KIF26B: variants seen among roughly 807,000 people sequenced by gnomAD.
The protein encoded by KIF26B is kinesin family member 26B, also known as kinesin-like protein KIF26B.
Under a neutral mutation model 151.2 loss-of-function variants are expected in KIF26B, and 63 were observed. The observed-to-expected ratio is 0.42, with a 90% CI of 0.34 to 0.51. The LOEUF is 0.51. Among genes scored for constraint, KIF26B ranks in the 20% least tolerant of loss-of-function variants. KIF26B has a pLI of 0.07. For synonymous variants in KIF26B, 1,357 were observed against 1,262.1 expected (o/e 1.08, Z -1.59); for missense variants, 2,813 against 2,913.6 (o/e 0.97, Z 0.79).
intron 7 of KIF26B, among the ~76,000 whole-genome samples, 160 bp from the exon 8 acceptor site, chr1:245,609,103 CTGT>C (rs1050409167): frequency 2.0e-5 from 3 of 152,284 alleles, no homozygotes; most frequent in South Asian, 2.1e-4. Flanking sequence ...AAAATGCCTT[CTGT>C]TGTTGTCAAA....
At chr1:245,513,215 C>G (rs1402408065) in intron 4 of KIF26B, among the ~76,000 whole-genome samples, 23 of 150,968 alleles carry the variant, frequency 1.5e-4, no homozygotes, top group East Asian at 3.9e-4. Flanking sequence ...TGCACCCCCC[C>G]CCAACCCCGC....
intron 2 of KIF26B, among the ~76,000 whole-genome samples, chr1:245,202,192 A>G (rs535445413): frequency 6.6e-6 from 1 of 152,346 alleles, no homozygotes; most frequent in East Asian, 1.9e-4. Context: ...AAATATTATT[A>G]GCCAGGAAAG....
chr1:245,531,003 A>G (rs1406051744), intron 4 of KIF26B, among the ~76,000 whole-genome samples: 1 of 152,226 alleles, frequency 6.6e-6, no homozygotes, highest in Non-Finnish European at 1.5e-5. Context: ...AGGAGGCAGT[A>G]GAAGGTGGCC....
rs2103141315 is a variant in KIF26B at position 245,597,023 on chromosome 1, T to G, written c.1351-5554T>G. ...CCTCCATCCCTTTATTTTGAGGCTA[T>G]GTGTGACTCAGATGGGTCTCCTGAA... On this transcript the variant is annotated intron_variant, in intron 5 of 14. Transcript: ENST00000407071. This position sits in a 1 kb window ranked among gnomAD's most constrained non-coding sequence, Gnocchi z 4.6. Among the ~76,000 whole-genome samples, 1 of 152,228 alleles carries G rather than the reference T, an allele frequency of 6.6e-6. No homozygotes were observed. The highest frequency in any genetic ancestry group is 1.9e-4 in the East Asian group (1 of 5,198).
intron 2 of KIF26B, among the ~76,000 whole-genome samples, chr1:245,273,335 T>C (rs1357241261): frequency 6.6e-6 from 1 of 151,676 alleles, no homozygotes; most frequent in Non-Finnish European, 1.5e-5. Context: ...AGAGAATCGC[T>C]TGAACCCAGG....
chr1:245,552,615 G>A (rs1359237915), intron 5 of KIF26B, among the ~76,000 whole-genome samples: 1 of 108,540 alleles, frequency 9.2e-6, no homozygotes, highest in Non-Finnish European at 1.9e-5. Flanking sequence ...CATCTTCCTG[G>A]ATTTTTTTTT....
intron 12 of KIF26B, among the ~76,000 whole-genome samples, chr1:245,690,320 C>T (rs2044607949): frequency 6.6e-6 from 1 of 152,228 alleles, no homozygotes; most frequent in Non-Finnish European, 1.5e-5. Context: ...AGGCTCTTCA[C>T]ATGCTCTCAG....
At chr1:245,427,245 C>A (rs188385045) in intron 4 of KIF26B, among the ~76,000 whole-genome samples, 2 of 152,318 alleles carry the variant, frequency 1.3e-5, no homozygotes. Flanking sequence ...ACAAGTTCTG[C>A]CTCCAGTTTC....
chr1:245,599,339 G>T (rs2043367317), intron 5 of KIF26B, among the ~76,000 whole-genome samples: 1 of 152,214 alleles, frequency 6.6e-6, no homozygotes, highest in Non-Finnish European at 1.5e-5. Context: ...CTTTCCCCCA[G>T]CTCGGAGCTC....
chr1:245,621,220 C>T (rs1212648748), intron 9 of KIF26B, among the ~76,000 whole-genome samples: 1 of 152,132 alleles, frequency 6.6e-6, no homozygotes, highest in Admixed American at 6.5e-5. Flanking sequence ...TGCGGGAAGG[C>T]GAGTTAAAAG....
intron 10 of KIF26B, among the ~76,000 whole-genome samples, chr1:245,668,084 C>T (rs530780895): frequency 4.6e-5 from 7 of 152,174 alleles, no homozygotes; most frequent in South Asian, 4.2e-4. Context: ...TTAGTAGAGA[C>T]GGGGTTTCAC....
intron 4 of KIF26B, among the ~76,000 whole-genome samples, chr1:245,446,384 G>A (rs1206833463): frequency 2.0e-5 from 3 of 152,164 alleles, no homozygotes; most frequent in Non-Finnish European, 2.9e-5. Context: ...TATACAAGGA[G>A]TTTGGATAAA....
intron 3 of KIF26B, among the ~76,000 whole-genome samples, chr1:245,390,943 A>AAACAAACAAAACAAAAC (rs1553270128): frequency 8.4e-6 from 1 of 118,412 alleles, no homozygotes; most frequent in African/African-American, 4.1e-5. Flanking sequence ...AAAAAAAAAA[A>AAACAAACAAAACAAAAC]AAAAAAAAAC....
At chr1:245,510,748 T>A (rs1660818054) in intron 4 of KIF26B, among the ~76,000 whole-genome samples, 1 of 147,552 alleles carries the variant, frequency 6.8e-6, no homozygotes, top group Admixed American at 6.8e-5. Context: ...CGTGCTTGCA[T>A]GTGCGGATTG....
chr1:245,602,930 T>G lies in KIF26B; in HGVS notation c.1557+147T>G, dbSNP rs1223590555. On this transcript the variant is annotated intron_variant, in intron 6 of 14. Coordinates refer to ENST00000407071, the MANE Select transcript of KIF26B (RefSeq NM_018012.4). This position sits in a 1 kb window ranked among gnomAD's most constrained non-coding sequence, Gnocchi z 4.5. ...AGGAGTCAATCTGAGCTCCACCGAA[T>G]GGTCCAGTGCTTTTGAATTACTGGT... 2 of 728,226 alleles carry G rather than the reference T, an allele frequency of 2.7e-6. No individual in the cohort carries two copies. Among genetic ancestry groups the G allele is most frequent in the Non-Finnish European group, 4.7e-6 (2 of 422,822 alleles). The allele number at this position is 728,226 out of a possible 1,614,324, so 45.1% of individuals were successfully genotyped here.
chr1:245,160,123 T>C (rs1364208215), intron 2 of KIF26B, among the ~76,000 whole-genome samples: 3 of 152,238 alleles, frequency 2.0e-5, no homozygotes, highest in African/African-American at 7.2e-5. Context: ...AGCTCTGCTG[T>C]TGATACTCTG....
rs748806574 is a variant in KIF26B, at chr1:245,609,357, C to T, written c.1743C>T (p.Asn581=). The T allele has an allele frequency of 6.2e-6, 10 of 1,610,754 alleles. No homozygotes were observed. The highest frequency in any genetic ancestry group is 2.7e-5 in the African/African-American group (2 of 74,884). ...CAISWLFKLI[N]ERKEKTGARF... Reference sequence around the variant, plus strand: ...TCTCTTGGCTCTTCAAGCTCATAAACGAACGCAAGGAAAAGACCGGCGCCC... The same window carrying T: ...TCTCTTGGCTCTTCAAGCTCATAAATGAACGCAAGGAAAAGACCGGCGCCC... Residue 581 remains asparagine (N), a synonymous_variant, in exon 8 of 15, where the codon AAC becomes AAT. Coordinates refer to ENST00000407071, the MANE Select transcript of KIF26B (RefSeq NM_018012.4).
At chr1:245,340,319 T>C (rs984009349) in intron 2 of KIF26B, among the ~76,000 whole-genome samples, 6 of 150,742 alleles carry the variant, frequency 4.0e-5, no homozygotes, top group African/African-American at 1.5e-4. Flanking sequence ...GCTATATAAA[T>C]AGTTGTTATT....
In KIF26B at chr1:245,552,374, T is replaced by C. The variant is rs546790452; in HGVS notation, c.1350+11424T>C. Among the ~76,000 whole-genome samples, 6 of 152,208 alleles carry C rather than the reference T, an allele frequency of 3.9e-5. No individual in the cohort carries two copies. In the South Asian group the frequency reaches 1.2e-3, roughly 32 times the overall value. On this transcript the variant is annotated intron_variant, in intron 5 of 14. Coordinates refer to ENST00000407071, the MANE Select transcript of KIF26B (RefSeq NM_018012.4). ...TGGTTGGATGGAGCCCACCACATTA[T>C]GGAAGGTCGTCTGATTTACTCAAAC...
Sources: gnomAD v4.1 joint callset for allele counts (sites outside exome capture counted in the v4.1 genomes callset) on GRCh38, gnomAD v4.1.1 for gene constraint, Gnocchi (gnomAD v3.1) non-coding constraint, MANE v1.5 for transcripts, NCBI Gene and HGNC (gene_info 2026-07-23, HGNC 2026-07-21) for gene names.